Variants in ABHD17B observed in about 807,000 individuals in gnomAD.
ABHD17B encodes abhydrolase domain containing 17B, depalmitoylase.
ABHD17B carries 9 observed loss-of-function variants against 26.2 expected under a neutral mutation model. The ratio of observed to expected loss-of-function variants is 0.34; its 90% CI spans 0.21 to 0.60. ABHD17B has a LOEUF of 0.60. ABHD17B is among the 20% of genes least tolerant of loss of function. The pLI, the probability that ABHD17B is intolerant of heterozygous loss-of-function variation, is 0.80. For missense variants in ABHD17B, 224 were observed against 352.1 expected (o/e 0.64, Z 2.91); for synonymous variants, 127 against 122.3 (o/e 1.04, Z -0.25).
chr9:71,897,736 C>CCTTA (rs1827000775), intron 1 of ABHD17B, among the ~76,000 whole-genome samples: 1 of 152,130 alleles, frequency 6.6e-6, no homozygotes, highest in Admixed American at 6.5e-5. Flanking sequence ...GTCAGTCAAT[C>CCTTA]CTTACTAATG....
In ABHD17B at chr9:71,879,597, A is replaced by T. The variant is rs573861494; in HGVS notation, c.-3-4514T>A. On this transcript the variant is annotated intron_variant, in intron 1 of 3. Transcript: ENST00000333421. Reference sequence around the variant, plus strand: ...AGTGTCCAACTTAAGAAGAGAGTAAACAAAAAGAAAACAAGAAAAAGAAAA... The same window carrying T: ...AGTGTCCAACTTAAGAAGAGAGTAATCAAAAAGAAAACAAGAAAAAGAAAA... Among the ~76,000 whole-genome samples, 9 of 152,354 alleles carry T rather than the reference A, an allele frequency of 5.9e-5. No homozygotes were observed. In the South Asian group the frequency reaches 1.2e-3, roughly 21 times the overall value.
chr9:71,873,776 G>T (rs1014310434), intron 2 of ABHD17B, among the ~76,000 whole-genome samples: 4 of 151,300 alleles, frequency 2.6e-5, no homozygotes, highest in Admixed American at 2.6e-4. Flanking sequence ...CTTGTGATTC[G>T]CCTGCCTCAG....
rs188123379 is a variant in ABHD17B at position 71,871,979 on chromosome 9, A to C, written c.468-1717T>G. ...GGACATTCCAATGTTCATTCATCCCAAAAATGAACATTATTTAAGTTCATT... is the reference window on the plus strand; with the variant it reads ...GGACATTCCAATGTTCATTCATCCCCAAAATGAACATTATTTAAGTTCATT... On this transcript the variant is annotated intron_variant, in intron 2 of 3. Transcript: ENST00000333421. 3.7e-3 allele frequency among the ~76,000 whole-genome samples: 570 copies of C among 152,350 alleles called. 3 individuals carry two copies. The highest frequency in any genetic ancestry group is 0.014 in the Middle Eastern group (4 of 294).
chr9:71,879,941 G>T (rs1234539794), intron 1 of ABHD17B, among the ~76,000 whole-genome samples: 1 of 152,136 alleles, frequency 6.6e-6, no homozygotes, highest in African/African-American at 2.4e-5. Flanking sequence ...CATAACTACT[G>T]TTTTGTGGAA....
rs1455602611 is a variant in ABHD17B at position 71,910,853 on chromosome 9, C to G, written c.-223G>C. ...GCCCCAGGGGCCCCGCTCACGCTCC[C>G]GAGTCTCGCCTCGCGCCGGCCCTGC... On this transcript the variant is annotated 5_prime_UTR_variant, in exon 1 of 4. Transcript: ENST00000333421. 1 of 151,984 alleles carries G rather than the reference C, an allele frequency of 6.6e-6. No individual in the cohort carries two copies. The highest frequency in any genetic ancestry group is 2.4e-5 in the African/African-American group (1 of 41,410). 9.4% of individuals were successfully genotyped at this position (151,984 alleles called of 1,614,324 possible). A position where few individuals can be genotyped will look rare whatever the true frequency, so the allele number is the denominator to read the frequency against.
chr9:71,895,327 G>A (rs1034306568), intron 1 of ABHD17B, among the ~76,000 whole-genome samples: 5 of 152,200 alleles, frequency 3.3e-5, no homozygotes, highest in Admixed American at 1.3e-4. Context: ...ATATTCAGCA[G>A]TCATCAGGAA....
In ABHD17B at chr9:71,865,935, T is replaced by C; in HGVS notation, c.*852A>G. The C allele has an allele frequency of 1.0e-6, 1 of 985,400 alleles. No homozygotes were observed. The highest frequency in any genetic ancestry group is 1.2e-6 in the Non-Finnish European group (1 of 829,902). 61.0% of individuals were successfully genotyped at this position (985,400 alleles called of 1,614,324 possible). A position where few individuals can be genotyped will look rare whatever the true frequency, so the allele number is the denominator to read the frequency against. On this transcript the variant is annotated 3_prime_UTR_variant, in exon 4 of 4. Coordinates refer to ENST00000333421, the MANE Select transcript of ABHD17B (RefSeq NM_001025780.3). The stretch of plus-strand genomic sequence containing the variant: ...GTTAGTGGTCTTTAAGATCAACTCA[T>C]GGACTTTCGGGATTTCATACAATGA...
intron 1 of ABHD17B, among the ~76,000 whole-genome samples, chr9:71,901,152 AAAAT>A (rs781777263): frequency 5.3e-5 from 8 of 151,846 alleles, no homozygotes; most frequent in Non-Finnish European, 8.8e-5. Flanking sequence ...ACTCTGTCTC[AAAAT>A]AAATAAATAA....
chr9:71,865,528 A>T lies in ABHD17B; in HGVS notation c.*1259T>A. On this transcript the variant is annotated 3_prime_UTR_variant, in exon 4 of 4. Transcript: ENST00000333421. ...CCTATACCCAGGAGTGAATCCATGA[A>T]ATTCTCAGATAGTAATCCAAAACAA... The T allele has an allele frequency of 1.0e-6, 1 of 985,256 alleles. No individual in the cohort carries two copies. The highest frequency in any genetic ancestry group is 5.2e-4 in the Middle Eastern group (1 of 1,914). The allele number at this position is 985,256 out of a possible 1,614,324, so 61.0% of individuals were successfully genotyped here.
chr9:71,909,519 A>G (rs539105881), intron 1 of ABHD17B, among the ~76,000 whole-genome samples: 1 of 152,354 alleles, frequency 6.6e-6, no homozygotes, highest in East Asian at 1.9e-4. Context: ...AGTTCATTTT[A>G]ATGTAAATTT....
intron 1 of ABHD17B, among the ~76,000 whole-genome samples, chr9:71,896,067 T>G (rs906986974): frequency 1.3e-5 from 2 of 152,222 alleles, no homozygotes; most frequent in Non-Finnish European, 2.9e-5. Context: ...ATATCTTAAT[T>G]TCTATTCAGA....
At chr9:71,862,589 CTTCT>C (rs753538865), downstream of ABHD17B, 11 of 1,422,524 alleles carry the variant, frequency 7.7e-6, no homozygotes, top group Admixed American at 1.7e-5. Context: ...AATCACTTCC[CTTCT>C]TTATGTTTCT....
chr9:71,874,803 G>A lies in ABHD17B; in HGVS notation c.278C>T (p.Thr93Ile). The A allele has an allele frequency of 6.2e-7, 1 of 1,614,192 alleles. No individual in the cohort carries two copies. Among genetic ancestry groups the A allele is most frequent in the South Asian group, 1.1e-5 (1 of 91,088 alleles). Residue 93 changes from threonine (T) to isoleucine (I), a missense_variant, in exon 2 of 4, where the codon ACT becomes ATT. Transcript: ENST00000333421. ...FVRCSPNAKY[T>I]LLFSHGNAVD... ...AGCATTTCCATGTGAGAAGAGTAAAGTGTATTTCGCATTGGGTGAACAACG... is the reference window on the plus strand; with the variant it reads ...AGCATTTCCATGTGAGAAGAGTAAAATGTATTTCGCATTGGGTGAACAACG...
At chr9:71,889,759 T>C (rs1826724813) in intron 1 of ABHD17B, among the ~76,000 whole-genome samples, 1 of 151,664 alleles carries the variant, frequency 6.6e-6, no homozygotes. Context: ...ACAAAACTGA[T>C]AAAAAACAAA....
intron 1 of ABHD17B, among the ~76,000 whole-genome samples, chr9:71,880,126 A>G (rs1826397075): frequency 6.6e-6 from 1 of 152,208 alleles, no homozygotes; most frequent in Non-Finnish European, 1.5e-5. Context: ...ATAAAAGGAC[A>G]AAATTGGCAC....
chr9:71,868,312 C>T (rs1468491788), intron 3 of ABHD17B, among the ~76,000 whole-genome samples: 1 of 152,176 alleles, frequency 6.6e-6, no homozygotes, highest in East Asian at 1.9e-4. Flanking sequence ...TCTTGATTGT[C>T]TGCTTATATG....
At chr9:71,875,491 C>T (rs1826245869) in intron 1 of ABHD17B, among the ~76,000 whole-genome samples, 1 of 152,156 alleles carries the variant, frequency 6.6e-6, no homozygotes, top group Non-Finnish European at 1.5e-5. Flanking sequence ...TCCCAAAGTG[C>T]TGGGATTACA....
At chr9:71,862,658 G>C (rs1373740010), downstream of ABHD17B, 6 of 829,880 alleles carry the variant, frequency 7.2e-6, no homozygotes, top group Non-Finnish European at 1.2e-5. Flanking sequence ...TTCATAATCT[G>C]AGTTTATGTG....
downstream of ABHD17B, chr9:71,865,009 T>C (rs1274404236): frequency 3.9e-6 from 1 of 254,720 alleles, no homozygotes; most frequent in Non-Finnish European, 6.2e-6. Flanking sequence ...CAAGACAATC[T>C]TGAGAAAGAA....
Sources: gnomAD v4.1 joint callset for allele counts (sites outside exome capture counted in the v4.1 genomes callset) on GRCh38, gnomAD v4.1.1 for gene constraint, MANE v1.5 for transcripts, NCBI Gene and HGNC (gene_info 2026-07-23, HGNC 2026-07-21) for gene names.